The following GULP1 variants were observed in gnomAD, a reference collection of about 807,000 sequenced individuals.
The protein encoded by GULP1 is GULP PTB domain containing engulfment adaptor 1.
Under a neutral mutation model 40.9 loss-of-function variants are expected in GULP1, and 19 were observed. That is an observed-to-expected ratio of 0.46 (90% CI 0.32 to 0.68). The LOEUF (loss-of-function observed/expected upper bound fraction) is 0.68, where lower values mean the gene tolerates loss of function less well. Ranked by LOEUF, GULP1 falls within the 30% of genes least tolerant of loss-of-function variation. GULP1 has a pLI of 0.03. For synonymous variants in GULP1, 119 were observed against 117.6 expected, an observed-to-expected ratio of 1.01 and a Z score of -0.08; for missense variants, 312 against 362.2, an observed-to-expected ratio of 0.86 and a Z score of 1.12.
chr2:188,415,302 G>T (rs1488861796), intron 2 of GULP1, among the ~76,000 whole-genome samples: 1 of 152,046 alleles, frequency 6.6e-6, no homozygotes, highest in African/African-American at 2.4e-5. Flanking sequence ...TATATCTCAG[G>T]GCTAAGTAGA....
At chr2:188,434,393 G>T (rs191143754) in intron 2 of GULP1, among the ~76,000 whole-genome samples, 1 of 150,348 alleles carries the variant, frequency 6.7e-6, no homozygotes, top group Admixed American at 6.6e-5. Flanking sequence ...TGGTTATTAT[G>T]GTGACTTTGC....
At chr2:188,349,113 C>T (rs1305981035) in intron 1 of GULP1, among the ~76,000 whole-genome samples, 1 of 152,166 alleles carries the variant, frequency 6.6e-6, no homozygotes, top group East Asian at 1.9e-4. Flanking sequence ...TCTACAAATG[C>T]ATCATTTTAA....
intron 2 of GULP1, among the ~76,000 whole-genome samples, chr2:188,406,405 A>G (rs921970297): frequency 6.6e-6 from 1 of 152,206 alleles, no homozygotes; most frequent in Non-Finnish European, 1.5e-5. Flanking sequence ...GATATGCAAC[A>G]CATGACTGTA....
intron 1 of GULP1, among the ~76,000 whole-genome samples, chr2:188,298,429 C>T (rs988602644): frequency 2.0e-5 from 3 of 151,916 alleles, no homozygotes; most frequent in Non-Finnish European, 2.9e-5. Context: ...TAAGGAGTCA[C>T]ATTTGAGTAA....
At chr2:188,422,385 T>A (rs888307959) in intron 2 of GULP1, among the ~76,000 whole-genome samples, 1 of 151,330 alleles carries the variant, frequency 6.6e-6, no homozygotes, top group Non-Finnish European at 1.5e-5. Context: ...CATATGTATA[T>A]GTATACACAC....
intron 1 of GULP1, among the ~76,000 whole-genome samples, chr2:188,304,126 GTAGAAAATATAACTT>G (rs556541719): frequency 5.7e-4 from 87 of 152,214 alleles, no homozygotes; most frequent in African/African-American, 2.1e-3. Flanking sequence ...GGAAATTATA[GTAGAAAATATAACTT>G]GGCTCACAGC....
chr2:188,515,379 A>T (rs1207368588), intron 4 of GULP1, among the ~76,000 whole-genome samples: 9 of 152,110 alleles, frequency 5.9e-5, no homozygotes, highest in Admixed American at 5.9e-4. Flanking sequence ...TCAGCCTTTC[A>T]TTGAGACCTT....
chr2:188,499,726 C>T (rs1342636536), intron 4 of GULP1, among the ~76,000 whole-genome samples: 1 of 151,696 alleles, frequency 6.6e-6, no homozygotes, highest in Non-Finnish European at 1.5e-5. Flanking sequence ...CTTTTTTACT[C>T]TGTCTTCTCT....
chr2:188,541,605 T>G (rs770145450), intron 7 of GULP1: 1 of 538,470 alleles, frequency 1.9e-6, no homozygotes, highest in Non-Finnish European at 3.2e-6. Flanking sequence ...TATAATAATT[T>G]AATCTATTTT....
chr2:188,387,324 T>C (rs2049913650), intron 2 of GULP1, among the ~76,000 whole-genome samples: 1 of 152,148 alleles, frequency 6.6e-6, no homozygotes, highest in Non-Finnish European at 1.5e-5. Context: ...ATATCAAGTA[T>C]ACATTTATCT....
At chr2:188,344,823 C>T (rs375488068) in intron 1 of GULP1, among the ~76,000 whole-genome samples, 2 of 152,196 alleles carry the variant, frequency 1.3e-5, no homozygotes, top group South Asian at 4.2e-4. Context: ...CATGCACATA[C>T]CTATGTACAC....
intron 2 of GULP1, among the ~76,000 whole-genome samples, chr2:188,421,431 TAGG>T (rs1298393495): frequency 1.3e-5 from 2 of 152,110 alleles, no homozygotes; most frequent in Non-Finnish European, 2.9e-5. Context: ...GTAAAATATA[TAGG>T]AGATTTTTCT....
intron 2 of GULP1, among the ~76,000 whole-genome samples, chr2:188,414,472 A>G (rs1222818138): frequency 2.0e-5 from 3 of 152,168 alleles, no homozygotes; most frequent in Non-Finnish European, 4.4e-5. Context: ...CTAAATCATA[A>G]CACTTCAGTA....
chr2:188,450,911 C>T (rs2058787045), intron 2 of GULP1, among the ~76,000 whole-genome samples: 1 of 152,138 alleles, frequency 6.6e-6, no homozygotes, highest in Admixed American at 6.5e-5. Context: ...CATTAAGCTT[C>T]AGCAACATTT....
intron 10 of GULP1, among the ~76,000 whole-genome samples, chr2:188,584,851 G>A (rs1483333130): frequency 6.6e-6 from 1 of 151,748 alleles, no homozygotes; most frequent in East Asian, 1.9e-4. Flanking sequence ...TTAACCTTTT[G>A]TAAGGGTTCT....
At chr2:188,591,286 T>C (rs1703500557) in intron 11 of GULP1, 1 of 152,088 alleles carries the variant, frequency 6.6e-6, no homozygotes, top group South Asian at 2.1e-4. Context: ...TCAATACAAC[T>C]GAAAGTGTGA....
chr2:188,515,856 A>C (rs1229907784), intron 4 of GULP1, among the ~76,000 whole-genome samples: 1 of 152,202 alleles, frequency 6.6e-6, no homozygotes, highest in African/African-American at 2.4e-5. Flanking sequence ...AGCATATGTT[A>C]AATTAACAGG....
At chr2:188,441,832 G>A (rs1028106304) in intron 2 of GULP1, among the ~76,000 whole-genome samples, 1 of 152,140 alleles carries the variant, frequency 6.6e-6, no homozygotes, top group Non-Finnish European at 1.5e-5. Context: ...ATTTGGATCT[G>A]ATAGAGCCCT....
intron 1 of GULP1, among the ~76,000 whole-genome samples, chr2:188,317,178 C>T (rs911226899): frequency 6.6e-6 from 1 of 152,144 alleles, no homozygotes; most frequent in South Asian, 2.1e-4. Flanking sequence ...ACTTGACTAC[C>T]TCATTTCATC....
Sources: allele counts gnomAD v4.1 joint callset (sites outside exome capture counted in the v4.1 genomes callset), GRCh38; gene constraint gnomAD v4.1.1; transcripts MANE v1.5; gene names NCBI Gene and HGNC (gene_info 2026-07-23, HGNC 2026-07-21).